Variants in PCDHA2 observed in about 807,000 individuals in gnomAD.
PCDHA2 encodes the protein protocadherin alpha-2.
A neutral mutation model predicts 66.0 loss-of-function variants in PCDHA2; 58 were observed. The observed-to-expected ratio is 0.88, with a 90% CI of 0.71 to 1.09. The LOEUF is 1.09. PCDHA2 is among the 50% of genes least tolerant of loss of function. The probability of loss-of-function intolerance (pLI) is 0.00; values close to 1 mark genes in which losing one functional copy is unlikely to be tolerated. For synonymous variants in PCDHA2, 634 were observed against 554.0 expected, an observed-to-expected ratio of 1.14 and a Z score of -2.03; for missense variants, 1,267 against 1,242.3, an observed-to-expected ratio of 1.02 and a Z score of -0.30.
At chr5:140,837,965 A>G (rs1208755583) in intron 1 of PCDHA2, among the ~76,000 whole-genome samples, 1 of 151,758 alleles carries the variant, frequency 6.6e-6, no homozygotes, top group Non-Finnish European at 1.5e-5. Flanking sequence ...AGACACGAAC[A>G]ACCACACCCA....
Position 140,822,383 on chromosome 5 carries a change from A to G in PCDHA2, c.2388+25031A>G, listed in dbSNP as rs140694784. The G allele has an allele frequency of 6.7e-5, 108 of 1,614,026 alleles. 1 individual carries two copies. The highest frequency in any genetic ancestry group is 3.3e-4 in the Middle Eastern group (2 of 6,084). Reference sequence around the variant, plus strand: ...TTGAGGAAATCCTTAGATAGAGAAGAAACACAAGAACACCGTTTATTAGTG... The same window carrying G: ...TTGAGGAAATCCTTAGATAGAGAAGGAACACAAGAACACCGTTTATTAGTG... On this transcript the variant is annotated intron_variant, in intron 1 of 3. Coordinates refer to ENST00000526136, the MANE Select transcript of PCDHA2 (RefSeq NM_018905.3).
intron 1 of PCDHA2, chr5:140,864,131 C>T (rs1191478097): frequency 2.0e-5 from 3 of 152,082 alleles, no homozygotes; most frequent in Non-Finnish European, 2.9e-5. Context: ...GACTGAGTGG[C>T]TGTTTCCTGT....
intron 1 of PCDHA2, among the ~76,000 whole-genome samples, chr5:140,898,789 C>T (rs1424905656): frequency 6.6e-6 from 1 of 152,162 alleles, no homozygotes; most frequent in Non-Finnish European, 1.5e-5. Context: ...GCAGTATGGC[C>T]ATTTTCACGA....
chr5:140,816,793 C>A (rs531734742), intron 1 of PCDHA2: 1 of 147,620 alleles, frequency 6.8e-6, no homozygotes, highest in African/African-American at 2.5e-5. Context: ...GATCTGCCAG[C>A]TTTTTTTTTT....
At chr5:140,888,645 C>A (rs1275572541) in intron 1 of PCDHA2, among the ~76,000 whole-genome samples, 2 of 152,200 alleles carry the variant, frequency 1.3e-5, no homozygotes, top group African/African-American at 4.8e-5. Context: ...GCAATACTTT[C>A]CTGAGGACAC....
At chr5:140,808,062 A>G in intron 1 of PCDHA2, 1 of 1,613,848 alleles carries the variant, frequency 6.2e-7, no homozygotes. Context: ...GTGAAATCCA[A>G]GTTTCACATA....
At chr5:140,807,725 C>G in intron 1 of PCDHA2, 1 of 1,614,176 alleles carries the variant, frequency 6.2e-7, no homozygotes, top group Non-Finnish European at 8.5e-7. Flanking sequence ...ATACTTTTCT[C>G]TGGAAAAACC....
chr5:140,843,802 G>A (rs2150366922), intron 1 of PCDHA2: 2 of 1,291,294 alleles, frequency 1.5e-6, no homozygotes, highest in South Asian at 1.4e-5. Flanking sequence ...GTTTTTCACC[G>A]TATTTTATAG....
intron 1 of PCDHA2, chr5:140,824,610 G>T (rs1426239014): frequency 1.9e-3 from 177 of 95,052 alleles, no homozygotes; most frequent in South Asian, 7.2e-3. Flanking sequence ...GCTAATTAAA[G>T]TTTTTTTTTT....
chr5:140,966,862 G>T (rs782810195), intron 1 of PCDHA2: 1 of 1,562,198 alleles, frequency 6.4e-7, no homozygotes. Context: ...TGCTGCTGTT[G>T]CTGCTGCTGC....
intron 1 of PCDHA2, chr5:140,816,532 T>TGG (rs1399685020): frequency 3.3e-5 from 5 of 151,642 alleles, no homozygotes; most frequent in South Asian, 2.1e-4. Flanking sequence ...TGTGTGTGTG[T>TGG]GGGCACGCAC....
At chr5:140,856,026 T>C in intron 1 of PCDHA2, 1 of 1,559,058 alleles carries the variant, frequency 6.4e-7, no homozygotes, top group Non-Finnish European at 8.7e-7. Context: ...ATTCGTCGAT[T>C]TGTAAAACAA....
At chr5:140,821,920 C>A (rs1554128324) in intron 1 of PCDHA2, 7 of 1,614,120 alleles carry the variant, frequency 4.3e-6, no homozygotes, top group Non-Finnish European at 5.9e-6. Context: ...CCGCATCGCG[C>A]AGGACCTAGG....
intron 1 of PCDHA2, chr5:140,967,312 A>G (rs1554229425): frequency 5.0e-6 from 8 of 1,611,226 alleles, no homozygotes; most frequent in Admixed American, 1.7e-5. Context: ...CCAACTCAGT[A>G]CAGACCTACG....
chr5:140,843,189 G>A (rs200720426), intron 1 of PCDHA2: 5 of 1,595,874 alleles, frequency 3.1e-6, no homozygotes, highest in Non-Finnish European at 4.3e-6. Flanking sequence ...ATCCCGTTCC[G>A]CGTGGGGCTG....
In PCDHA2 at chr5:140,842,752, G is replaced by A; in HGVS notation, c.2388+45400G>A. The A allele has an allele frequency of 8.2e-6, 13 of 1,595,020 alleles. 2 individuals are homozygous for A. The highest frequency in any genetic ancestry group is 1.1e-5 in the Non-Finnish European group (13 of 1,165,472). ...CGCCGGGCTGCCACATCTTCACGGT[G>A]TCTGCGCGAGACGCGGACGCGCAGG... On this transcript the variant is annotated intron_variant, in intron 1 of 3. Transcript: ENST00000526136.
In PCDHA2 at chr5:140,796,156, G is replaced by T. The variant is rs1762041962; in HGVS notation, c.1192G>T (p.Val398Leu). ...GACGCCCCACGTCCCTTTCAAGCTG[G>T]TGTCCACCTTCAAGAATTACTACTC... ...SLTPHVPFKL[V>L]STFKNYYSLV... The change falls in exon 1 of 4, where the codon GTG becomes TTG. Residue 398 changes from valine to leucine, a missense_variant. By Grantham distance (32) the Val-to-Leu change is conservative. Coordinates refer to ENST00000526136, the MANE Select transcript of PCDHA2 (RefSeq NM_018905.3). 6.2e-7 allele frequency: 1 copy of T among 1,614,078 alleles called. No individual in the cohort carries two copies. Among genetic ancestry groups the T allele is most frequent in the Non-Finnish European group, 8.5e-7 (1 of 1,180,048 alleles).
At chr5:140,849,862 C>T (rs2150454518) in intron 1 of PCDHA2, 1 of 1,598,598 alleles carries the variant, frequency 6.3e-7, no homozygotes, top group African/African-American at 1.3e-5. Context: ...CCAGCGTTCG[C>T]GCAGTCCGAG....
At position 140,859,297 on chromosome 5, in the gene PCDHA2, G is replaced by A. The variant is rs918204885; in HGVS notation, c.2388+61945G>A. 281 of 128,994 alleles carry A rather than the reference G, an allele frequency of 2.2e-3. 12 individuals are homozygous for A. The highest frequency in any genetic ancestry group is 7.5e-3 in the African/African-American group (274 of 36,598). The allele number at this position is 128,994 out of a possible 1,614,324, so 8.0% of individuals were successfully genotyped here. A position where few individuals can be genotyped will look rare whatever the true frequency, so the allele number is the denominator to read the frequency against. On this transcript the variant is annotated intron_variant, in intron 1 of 3. Coordinates refer to ENST00000526136, the MANE Select transcript of PCDHA2 (RefSeq NM_018905.3). Reference sequence around the variant, plus strand: ...TACTTTTGAGACTGAAAATACTTTAGTATGAATTAATATTAAAAGTTTGAG... The same window carrying A: ...TACTTTTGAGACTGAAAATACTTTAATATGAATTAATATTAAAAGTTTGAG...
Sources: allele counts gnomAD v4.1 joint callset (sites outside exome capture counted in the v4.1 genomes callset), GRCh38; gene constraint gnomAD v4.1.1; transcripts MANE v1.5; gene names NCBI Gene and HGNC (gene_info 2026-07-23, HGNC 2026-07-21).